The following ARHGAP17 variants were observed in gnomAD, a reference collection of about 807,000 sequenced individuals.
ARHGAP17 encodes Rho GTPase activating protein 17, also known as rho GTPase-activating protein 17.
ARHGAP17 carries 57 observed loss-of-function variants against 99.5 expected under a neutral mutation model. That is an observed-to-expected ratio of 0.57 (90% CI 0.46 to 0.71). The LOEUF is 0.71. Ranked by LOEUF, ARHGAP17 falls within the 30% of genes least tolerant of loss-of-function variation. The pLI is 0.00. For missense variants in ARHGAP17, 1,000 were observed against 1,122.4 expected (o/e 0.89, Z 1.56); for synonymous variants, 417 against 429.6 (o/e 0.97, Z 0.36).
At chr16:24,982,984 A>ATATATATT (rs1555467481) in intron 1 of ARHGAP17, among the ~76,000 whole-genome samples, 21 of 28,014 alleles carry the variant, frequency 7.5e-4, no homozygotes, top group African/African-American at 3.9e-3. Context: ...ATATATATAT[A>ATATATATT]TATATATATA....
intron 1 of ARHGAP17, among the ~76,000 whole-genome samples, chr16:25,004,305 G>A (rs539941593): frequency 4.6e-5 from 7 of 152,222 alleles, no homozygotes; most frequent in East Asian, 1.9e-4. Flanking sequence ...CATGCCCAGC[G>A]GAGTCCTCAC....
At chr16:24,994,274 G>T (rs767391834) in intron 1 of ARHGAP17, among the ~76,000 whole-genome samples, 1 of 152,188 alleles carries the variant, frequency 6.6e-6, no homozygotes, top group Non-Finnish European at 1.5e-5. Context: ...CCTTAAAACA[G>T]AAATCTGATT....
chr16:25,015,357 G>C lies in ARHGAP17; in HGVS notation c.-96C>G. 8.9e-7 allele frequency: 1 copy of C among 1,129,154 alleles called. No individual in the cohort carries two copies. Among genetic ancestry groups the C allele is most frequent in the Non-Finnish European group, 1.1e-6 (1 of 899,006 alleles). 69.9% of individuals were successfully genotyped at this position (1,129,154 alleles called of 1,614,324 possible). A position where few individuals can be genotyped will look rare whatever the true frequency, so the allele number is the denominator to read the frequency against. On this transcript the variant is annotated 5_prime_UTR_variant, in exon 1 of 20. Transcript: ENST00000289968. ...ATCGCTTCCCGGCCCAAACGGCGGCGCGGCGGTGGCTCCCCGGGCCGGCGG... is the reference window on the plus strand; with the variant it reads ...ATCGCTTCCCGGCCCAAACGGCGGCCCGGCGGTGGCTCCCCGGGCCGGCGG...
intron 15 of ARHGAP17, among the ~76,000 whole-genome samples, chr16:24,943,295 G>C (rs539674235): frequency 6.6e-6 from 1 of 152,300 alleles, no homozygotes; most frequent in African/African-American, 2.4e-5. Flanking sequence ...CCATAATCTA[G>C]CTAGAGAAAC....
chr16:25,013,750 G>C (rs868170552), intron 1 of ARHGAP17: 2 of 152,098 alleles, frequency 1.3e-5, no homozygotes, highest in South Asian at 2.1e-4. Context: ...TACCTGTCAC[G>C]AACAATGTAA....
intron 18 of ARHGAP17, among the ~76,000 whole-genome samples, chr16:24,933,839 C>T (rs1051852608): frequency 1.3e-5 from 2 of 151,964 alleles, no homozygotes; most frequent in Non-Finnish European, 2.9e-5. Context: ...ACCCATCCTG[C>T]GAAGAAGCCT....
intron 18 of ARHGAP17, 49 bp downstream of exon 18, chr16:24,935,421 G>A (rs765106944): frequency 8.5e-6 from 13 of 1,534,728 alleles, no homozygotes; most frequent in African/African-American, 6.9e-5. Context: ...CTAACTTAAG[G>A]AGGTCTGCAC....
intron 1 of ARHGAP17, among the ~76,000 whole-genome samples, chr16:24,984,548 C>T (rs1301626816): frequency 5.9e-5 from 9 of 151,760 alleles, no homozygotes; most frequent in African/African-American, 2.2e-4. Flanking sequence ...CCCAGCTACT[C>T]GGGAGGCTGA....
chr16:24,962,924 C>G (rs2052053818), intron 7 of ARHGAP17, among the ~76,000 whole-genome samples: 1 of 152,144 alleles, frequency 6.6e-6, no homozygotes, highest in South Asian at 2.1e-4. Flanking sequence ...TGAAACAGAA[C>G]ATAGATCTGA....
At chr16:24,978,864 G>GT (rs1167222545) in intron 2 of ARHGAP17, 102 bp downstream of exon 2, 4 of 719,036 alleles carry the variant, frequency 5.6e-6, no homozygotes, top group African/African-American at 3.5e-5. Context: ...TCTGTTTCTG[G>GT]TTAAAAAAAA....
At chr16:24,983,000 T>TATATATATATA (rs61571101) in intron 1 of ARHGAP17, among the ~76,000 whole-genome samples, 15 of 28,550 alleles carry the variant, frequency 5.3e-4, no homozygotes, top group East Asian at 1.5e-3. Flanking sequence ...ATATATATTT[T>TATATATATATA]TTTTTTTTTT....
Position 24,931,391 on chromosome 16 carries a change from G to T in ARHGAP17, c.1908C>A (p.Pro636=). ...TGCCCGGTTTCGGGGGTGCTGGAGCGGGTTTTTTAACAGCTGCACAAAAAG... is the reference window on the plus strand; with the variant it reads ...TGCCCGGTTTCGGGGGTGCTGGAGCTGGTTTTTTAACAGCTGCACAAAAAG... ...PHTLRRAVKK[P]APAPPKPGNP... Residue 636 remains proline, a synonymous_variant, in exon 19 of 20, where the codon CCC becomes CCA. Transcript: ENST00000289968. 1 of 1,507,746 alleles carries T rather than the reference G, an allele frequency of 6.6e-7. No individual in the cohort carries two copies. Among genetic ancestry groups the T allele is most frequent in the Non-Finnish European group, 8.8e-7 (1 of 1,131,090 alleles). The allele number at this position is 1,507,746 out of a possible 1,614,324, so 93.4% of individuals were successfully genotyped here. A position where few individuals can be genotyped will look rare whatever the true frequency, so the allele number is the denominator to read the frequency against.
intron 11 of ARHGAP17, 132 bp downstream of exon 11, chr16:24,952,799 T>C (rs2051682842): frequency 1.4e-6 from 1 of 735,510 alleles, no homozygotes; most frequent in Non-Finnish European, 2.3e-6. Flanking sequence ...TAAGGAATTG[T>C]AGCAAGAGCC....
At position 24,955,543 on chromosome 16, in the gene ARHGAP17, G is replaced by A. The variant is rs1272412838; in HGVS notation, c.725-813C>T. Reference sequence around the variant, plus strand: ...ATTTGGCCTGCCTGTGCAAGCTGCAGAGATCTAGTGCTATCTGAGCAGCTC... The same window carrying A: ...ATTTGGCCTGCCTGTGCAAGCTGCAAAGATCTAGTGCTATCTGAGCAGCTC... On this transcript the variant is annotated intron_variant, in intron 9 of 19. Transcript: ENST00000289968. The surrounding 1 kb of genome is among the most constrained non-coding windows in gnomAD (Gnocchi z 4.0). 1.3e-5 allele frequency: 2 copies of A among 152,258 alleles called. No homozygotes were observed. The highest frequency in any genetic ancestry group is 4.8e-5 in the African/African-American group (2 of 41,468). The allele number at this position is 152,258 out of a possible 1,614,324, so 9.4% of individuals were successfully genotyped here. A position where few individuals can be genotyped will look rare whatever the true frequency, so the allele number is the denominator to read the frequency against.
chr16:25,008,530 T>A (rs2053563485), intron 1 of ARHGAP17, among the ~76,000 whole-genome samples: 2 of 152,228 alleles, frequency 1.3e-5, no homozygotes, highest in African/African-American at 4.8e-5. Context: ...TTAACATTTT[T>A]ACATGGATTT....
At chr16:24,997,739 T>C (rs2053238517) in intron 1 of ARHGAP17, among the ~76,000 whole-genome samples, 1 of 152,168 alleles carries the variant, frequency 6.6e-6, no homozygotes, top group African/African-American at 2.4e-5. Context: ...ACCAGGTTTC[T>C]GCCTTGAGGG....
chr16:24,965,954 C>T (rs1295181736), intron 6 of ARHGAP17, among the ~76,000 whole-genome samples: 1 of 152,164 alleles, frequency 6.6e-6, no homozygotes, highest in South Asian at 2.1e-4. Flanking sequence ...TTCAGCTTCT[C>T]CAACACCTAT....
At chr16:24,944,157 G>A (rs549042713) in intron 14 of ARHGAP17, among the ~76,000 whole-genome samples, 25 of 151,808 alleles carry the variant, frequency 1.6e-4, no homozygotes, top group Admixed American at 9.9e-4. Context: ...CATAGTCCCA[G>A]CTACTCGGGA....
chr16:24,979,735 G>A (rs938846053), intron 1 of ARHGAP17, among the ~76,000 whole-genome samples: 1 of 144,046 alleles, frequency 6.9e-6, no homozygotes, highest in African/African-American at 2.6e-5. Flanking sequence ...ATTTGAGACA[G>A]AGTCTCATTC....
Sources: gnomAD v4.1 joint callset for allele counts (sites outside exome capture counted in the v4.1 genomes callset) on GRCh38, gnomAD v4.1.1 for gene constraint, Gnocchi (gnomAD v3.1) non-coding constraint, MANE v1.5 for transcripts, NCBI Gene and HGNC (gene_info 2026-07-23, HGNC 2026-07-21) for gene names.